Variants in FHAD1 observed in about 807,000 individuals in gnomAD.
FHAD1 encodes the protein forkhead associated phosphopeptide binding domain 1, also known as forkhead-associated domain-containing protein 1.
A neutral mutation model predicts 191.3 loss-of-function variants in FHAD1; 146 were observed. That is an observed-to-expected ratio of 0.76 (90% CI 0.67 to 0.88). FHAD1 has a LOEUF of 0.88. Ranked by LOEUF, FHAD1 falls within the 40% of genes least tolerant of loss-of-function variation. The pLI is 0.00. For synonymous variants in FHAD1, 616 were observed against 672.3 expected, an observed-to-expected ratio of 0.92 and a Z score of 1.29; for missense variants, 1,635 against 1,785.8, an observed-to-expected ratio of 0.92 and a Z score of 1.52.
At chr1:15,352,411 C>T (rs1691206310) in intron 19 of FHAD1, among the ~76,000 whole-genome samples, 1 of 152,156 alleles carries the variant, frequency 6.6e-6, no homozygotes, top group South Asian at 2.1e-4. Context: ...GCTTTGTAGA[C>T]TGGAAGTGGC....
chr1:15,392,348 C>T (rs373034527), intron 33 of FHAD1, among the ~76,000 whole-genome samples: 90 of 152,054 alleles, frequency 5.9e-4, no homozygotes, highest in African/African-American at 9.4e-4. Flanking sequence ...CTGGCTAACA[C>T]GGTGAAACCC....
intron 3 of FHAD1, among the ~76,000 whole-genome samples, chr1:15,285,553 A>G (rs1662141219): frequency 6.6e-6 from 1 of 152,146 alleles, no homozygotes; most frequent in Non-Finnish European, 1.5e-5. Flanking sequence ...ATAAATAAAT[A>G]ACAAAATAAA....
chr1:15,321,125 T>G (rs548839), intron 10 of FHAD1, among the ~76,000 whole-genome samples: 215 of 152,244 alleles, frequency 1.4e-3, no homozygotes, highest in Non-Finnish European at 2.3e-3. Flanking sequence ...GTAGAGACAG[T>G]GTTTCACCAT....
At chr1:15,242,658 GA>G (rs1645523508), upstream of FHAD1, among the ~76,000 whole-genome samples, 1 of 152,192 alleles carries the variant, frequency 6.6e-6, no homozygotes, top group African/African-American at 2.4e-5. Flanking sequence ...TCCACATATA[GA>G]AAGGTCTCAG....
intron 32 of FHAD1, 21 bp from the exon 33 acceptor site, chr1:15,391,189 C>T (rs1453615503): frequency 8.0e-7 from 1 of 1,252,928 alleles, no homozygotes; most frequent in Non-Finnish European, 1.0e-6. Context: ...AGATTTTGTT[C>T]TTATTCTTTC....
intron 4 of FHAD1, 29 bp from the exon 5 acceptor site, chr1:15,296,655 T>C (rs1443011688): frequency 6.5e-7 from 1 of 1,536,864 alleles, no homozygotes; most frequent in South Asian, 1.2e-5. Flanking sequence ...ATGATGTCTT[T>C]TGTGCTCTCT....
At chr1:15,392,093 A>G (rs1484621056) in intron 33 of FHAD1, among the ~76,000 whole-genome samples, 1 of 152,258 alleles carries the variant, frequency 6.6e-6, no homozygotes, top group Non-Finnish European at 1.5e-5. Context: ...CAGGCTTAAC[A>G]GAATGGGGGC....
Position 15,343,500 on chromosome 1 carries a change from G to A in FHAD1, c.2131-1583G>A, listed in dbSNP as rs1005710774. On this transcript the variant is annotated intron_variant, in intron 16 of 33. Transcript: ENST00000688493. ...CTCTACCACACACACCTGCCCTCCA[G>A]ACCTCTCCCTCTTTCATCTCCATCC... Among the ~76,000 whole-genome samples the A allele has an allele frequency of 3.9e-5, 6 of 151,924 alleles. No individual in the cohort carries two copies. In the East Asian group the frequency reaches 1.2e-3, roughly 29 times the overall value.
intron 1 of FHAD1, among the ~76,000 whole-genome samples, chr1:15,239,050 A>G (rs1645079541): frequency 6.6e-6 from 1 of 152,060 alleles, no homozygotes; most frequent in South Asian, 2.1e-4. Flanking sequence ...TGAGACTACA[A>G]GTGTGTGCCA....
intron 9 of FHAD1, among the ~76,000 whole-genome samples, chr1:15,317,220 A>G (rs921591044): frequency 6.6e-6 from 1 of 152,186 alleles, no homozygotes; most frequent in African/African-American, 2.4e-5. Context: ...TGCCTTATGT[A>G]GAAGGTAACC....
At chr1:15,294,769 T>G (rs1409320335) in intron 4 of FHAD1, among the ~76,000 whole-genome samples, 1 of 152,010 alleles carries the variant, frequency 6.6e-6, no homozygotes, top group Admixed American at 6.6e-5. Flanking sequence ...TCTCTCCCAC[T>G]CAAGCTGTGA....
chr1:15,260,395 T>C (rs1189369596), intron 2 of FHAD1, among the ~76,000 whole-genome samples: 1 of 152,246 alleles, frequency 6.6e-6, no homozygotes, highest in Non-Finnish European at 1.5e-5. Flanking sequence ...TTTCTATTTA[T>C]AACAATGAGT....
At chr1:15,377,025 G>A (rs1321651383) in intron 28 of FHAD1, among the ~76,000 whole-genome samples, 1 of 152,184 alleles carries the variant, frequency 6.6e-6, no homozygotes, top group Non-Finnish European at 1.5e-5. Context: ...GGGACAACAG[G>A]ATTTCCAGAA....
chr1:15,383,427 G>A, intron 31 of FHAD1: 1 of 353,600 alleles, frequency 2.8e-6, no homozygotes, highest in Non-Finnish European at 5.6e-6. Flanking sequence ...AGACCCGGTA[G>A]GGTCTACACA....
intron 1 of FHAD1, among the ~76,000 whole-genome samples, chr1:15,251,120 G>A (rs556848826): frequency 7.9e-5 from 12 of 151,688 alleles, no homozygotes; most frequent in Non-Finnish European, 7.4e-5. Flanking sequence ...GCAATACCCC[G>A]TCTCTTTAGC....
At chr1:15,264,770 T>G (rs780814883) in intron 2 of FHAD1, among the ~76,000 whole-genome samples, 5 of 152,210 alleles carry the variant, frequency 3.3e-5, no homozygotes, top group Admixed American at 6.5e-5. Flanking sequence ...AGGAAAAGTC[T>G]TAGTCTTTCA....
downstream of FHAD1, among the ~76,000 whole-genome samples, chr1:15,401,711 A>T (rs760035869): frequency 6.6e-6 from 1 of 152,198 alleles, no homozygotes; most frequent in Non-Finnish European, 1.5e-5. Context: ...AATGAAGGCA[A>T]TCCACTAAGG....
chr1:15,244,885 A>C (rs904017011), upstream of FHAD1, among the ~76,000 whole-genome samples: 2 of 152,180 alleles, frequency 1.3e-5, no homozygotes, highest in Admixed American at 6.5e-5. The surrounding 1 kb of genome is among the most constrained non-coding windows in gnomAD (Gnocchi z 5.1). Flanking sequence ...TTTATCCAGA[A>C]AAGAGGTTTA....
intron 6 of FHAD1, among the ~76,000 whole-genome samples, chr1:15,301,750 G>A (rs1668854416): frequency 1.3e-5 from 2 of 152,194 alleles, no homozygotes; most frequent in African/African-American, 2.4e-5. Context: ...GGCCCAGGCC[G>A]GGCGCTGTGG....
Sources: gnomAD v4.1 joint callset for allele counts (sites outside exome capture counted in the v4.1 genomes callset) on GRCh38, gnomAD v4.1.1 for gene constraint, Gnocchi (gnomAD v3.1) non-coding constraint, MANE v1.5 for transcripts, NCBI Gene and HGNC (gene_info 2026-07-23, HGNC 2026-07-21) for gene names.